The following STARD13 variants were observed in gnomAD, a reference collection of about 807,000 sequenced individuals.
The protein encoded by STARD13 is stAR-related lipid transfer protein 13.
In STARD13, 62 loss-of-function variants were observed where a neutral mutation model predicts 106.4. The ratio of observed to expected loss-of-function variants is 0.58; its 90% CI spans 0.48 to 0.72. The LOEUF (loss-of-function observed/expected upper bound fraction) is 0.72, where lower values mean the gene tolerates loss of function less well. STARD13 is among the 30% of genes least tolerant of loss of function. The pLI is 0.00. For synonymous variants in STARD13, 565 were observed against 553.0 expected (o/e 1.02, Z -0.31); for missense variants, 1,387 against 1,424.0 (o/e 0.97, Z 0.42).
chr13:33,277,032 T>C (rs1891474011), intron 1 of STARD13, among the ~76,000 whole-genome samples: 1 of 137,396 alleles, frequency 7.3e-6, no homozygotes, highest in African/African-American at 2.8e-5. Context: ...TAGATTATTT[T>C]AGATCCTAAG....
the STARD13 span, among the ~76,000 whole-genome samples, chr13:33,634,122 T>C: frequency 1.2e-4 from 19 of 152,234 alleles, no homozygotes; most frequent in African/African-American, 4.3e-4. Context: ...ATTGTTTAAA[T>C]AACCTCATTT....
chr13:33,275,130 G>C (rs1007174597), intron 1 of STARD13, among the ~76,000 whole-genome samples: 1 of 152,148 alleles, frequency 6.6e-6, no homozygotes, highest in Non-Finnish European at 1.5e-5. Context: ...ACTTGAGAGA[G>C]AGCAACTGGT....
the STARD13 span, among the ~76,000 whole-genome samples, chr13:33,426,954 A>C: frequency 6.6e-6 from 1 of 152,184 alleles, no homozygotes; most frequent in Non-Finnish European, 1.5e-5. Context: ...TTCACCATTA[A>C]AATGCTTTAT....
the STARD13 span, among the ~76,000 whole-genome samples, chr13:33,466,057 A>G: frequency 6.6e-6 from 1 of 152,148 alleles, no homozygotes; most frequent in Non-Finnish European, 1.5e-5. Context: ...ATGCAGTTCT[A>G]ATAATGCCTA....
the STARD13 span, among the ~76,000 whole-genome samples, chr13:33,551,373 C>T: frequency 6.6e-6 from 1 of 152,020 alleles, no homozygotes; most frequent in African/African-American, 2.4e-5. Context: ...CTTGTGACTT[C>T]GTGTCAGCAC....
At chr13:33,452,085 A>G in the STARD13 span, among the ~76,000 whole-genome samples, 1 of 152,324 alleles carries the variant, frequency 6.6e-6, no homozygotes, top group South Asian at 2.1e-4. Flanking sequence ...AGAGGAGATC[A>G]GGAGATCTCA....
downstream of STARD13, among the ~76,000 whole-genome samples, chr13:33,348,000 G>A (rs933348272): frequency 6.6e-6 from 1 of 152,176 alleles, no homozygotes; most frequent in Non-Finnish European, 1.5e-5. Context: ...ATCTAAAAGC[G>A]CCTTCACGGA....
At chr13:33,324,373 T>G (rs1893665187) in intron 1 of STARD13, among the ~76,000 whole-genome samples, 1 of 152,204 alleles carries the variant, frequency 6.6e-6, no homozygotes, top group Admixed American at 6.5e-5. Flanking sequence ...AAGCTCCTTA[T>G]GCCAGGAGTG....
At chr13:33,648,783 CTTTTTTTTTTTTTTTTTTT>C in the STARD13 span, among the ~76,000 whole-genome samples, 96 of 77,002 alleles carry the variant, frequency 1.2e-3, 1 homozygote, top group African/African-American at 5.5e-3. Context: ...TTTTCTCTTT[CTTTTTTTTTTTTTTTTTTT>C]TTTTTTGAGA....
chr13:33,648,783 CTTTTTTTTTTT>C, the STARD13 span, among the ~76,000 whole-genome samples: 81 of 76,996 alleles, frequency 1.1e-3, no homozygotes, highest in African/African-American at 4.5e-3. Flanking sequence ...TTTTCTCTTT[CTTTTTTTTTTT>C]TTTTTTTTTT....
At chr13:33,310,627 T>C (rs2138497625) in intron 1 of STARD13, among the ~76,000 whole-genome samples, 1 of 152,302 alleles carries the variant, frequency 6.6e-6, no homozygotes, top group African/African-American at 2.4e-5. Context: ...TGCTTTCTTA[T>C]TCACCTTGAA....
the STARD13 span, among the ~76,000 whole-genome samples, chr13:33,485,675 T>C: frequency 3.5e-3 from 540 of 152,266 alleles, 2 homozygotes; most frequent in African/African-American, 0.013. Flanking sequence ...AGGTAATAGA[T>C]ATGCTATACC....
At chr13:33,348,889 C>T in exon 2 of STARD13, 1 of 464,546 alleles carries the variant, frequency 2.2e-6, no homozygotes, top group Non-Finnish European at 4.0e-6. Context: ...ACATTGTATG[C>T]TTACAACATT....
At chr13:33,508,839 A>G in the STARD13 span, among the ~76,000 whole-genome samples, 1 of 152,228 alleles carries the variant, frequency 6.6e-6, no homozygotes, top group Admixed American at 6.5e-5. Context: ...GTTTACTTAT[A>G]CAAACCTAGA....
At chr13:33,107,067 T>C (rs1873838700) in intron 12 of STARD13, 133 bp from the exon 13 acceptor site, 2 of 777,102 alleles carry the variant, frequency 2.6e-6, no homozygotes, top group Non-Finnish European at 4.1e-6. Flanking sequence ...TGACTTGGAT[T>C]AAGCTAATGG....
intron 1 of STARD13, among the ~76,000 whole-genome samples, chr13:33,192,072 A>T (rs1886291042): frequency 3.9e-5 from 6 of 152,242 alleles, no homozygotes; most frequent in Admixed American, 3.9e-4. Flanking sequence ...GTTTTTTGGC[A>T]GTTCCCACAG....
intron 1 of STARD13, among the ~76,000 whole-genome samples, chr13:33,325,711 G>A (rs1341550298): frequency 1.3e-5 from 2 of 152,110 alleles, no homozygotes; most frequent in African/African-American, 4.8e-5. Flanking sequence ...AAGCAGAAAA[G>A]TGGCCGGGCG....
exon 1 of STARD13, chr13:33,350,371 A>G: frequency 6.5e-7 from 1 of 1,534,028 alleles, no homozygotes; most frequent in Non-Finnish European, 8.7e-7. Flanking sequence ...TCACTGATGG[A>G]TCTCCTGAGC....
the STARD13 span, among the ~76,000 whole-genome samples, chr13:33,649,983 T>C: frequency 9.4e-3 from 1,426 of 152,062 alleles, 30 homozygotes; most frequent in African/African-American, 0.033. Context: ...AATTTCATAT[T>C]CCCTTTTTTC....
Sources: gnomAD v4.1 joint callset for allele counts (sites outside exome capture counted in the v4.1 genomes callset) on GRCh38, gnomAD v4.1.1 for gene constraint, MANE v1.5 for transcripts, NCBI Gene and HGNC (gene_info 2026-07-23, HGNC 2026-07-21) for gene names.